The following LRBA variants were observed in gnomAD, a reference collection of about 807,000 sequenced individuals.
LRBA encodes the protein lipopolysaccharide-responsive and beige-like anchor protein.
A neutral mutation model predicts 330.0 loss-of-function variants in LRBA; 176 were observed. The observed-to-expected ratio is 0.53, with a 90% CI of 0.47 to 0.60. The LOEUF is 0.60. Among genes scored for constraint, LRBA ranks in the 20% least tolerant of loss-of-function variants. The pLI is 0.00. For missense variants in LRBA, 3,259 were observed against 3,444.8 expected, an observed-to-expected ratio of 0.95 and a Z score of 1.35; for synonymous variants, 1,230 against 1,193.0, an observed-to-expected ratio of 1.03 and a Z score of -0.64.
At chr4:150,910,984 T>C (rs932716493) in intron 9 of LRBA, among the ~76,000 whole-genome samples, 2 of 152,164 alleles carry the variant, frequency 1.3e-5, no homozygotes, top group Non-Finnish European at 2.9e-5. Flanking sequence ...TTCAAACTGT[T>C]CATTACTACT....
chr4:150,552,082 C>T (rs897843176), intron 40 of LRBA, among the ~76,000 whole-genome samples: 1 of 152,102 alleles, frequency 6.6e-6, no homozygotes, highest in African/African-American at 2.4e-5. Context: ...GTTCGCACCC[C>T]TATGAAAATC....
chr4:150,565,015 C>A (rs1376735312), intron 40 of LRBA, among the ~76,000 whole-genome samples: 1 of 152,088 alleles, frequency 6.6e-6, no homozygotes, highest in Admixed American at 6.6e-5. Flanking sequence ...ACCCAGCAAT[C>A]CCGTTACTGG....
At chr4:150,796,058 A>C (rs1374582282) in intron 34 of LRBA, among the ~76,000 whole-genome samples, 1 of 151,822 alleles carries the variant, frequency 6.6e-6, no homozygotes, top group Non-Finnish European at 1.5e-5. Context: ...GATCTTTGGC[A>C]CTCCGTCCTC....
At chr4:150,420,293 A>G (rs375825770) in intron 46 of LRBA, among the ~76,000 whole-genome samples, 42 of 112,966 alleles carry the variant, frequency 3.7e-4, no homozygotes, top group South Asian at 1.4e-3. Context: ...TATATATAAT[A>G]CACATTATAG....
intron 40 of LRBA, among the ~76,000 whole-genome samples, chr4:150,494,939 G>A (rs1759403220): frequency 6.6e-6 from 1 of 151,056 alleles, no homozygotes; most frequent in Admixed American, 6.6e-5. Flanking sequence ...GGCGGAGCTT[G>A]CAGTGAGCCT....
In LRBA at chr4:150,928,937, T is replaced by C. The variant is rs1734165953; in HGVS notation, c.345A>G (p.Thr115=). 6.2e-7 allele frequency: 1 copy of C among 1,614,100 alleles called. No individual in the cohort carries two copies. Residue 115 remains threonine (T), a synonymous_variant, in exon 3 of 57, where the codon ACA becomes ACG. Transcript: ENST00000651943. ...TCQAEVWSMF[T]AILKKSIRNL... is the part of the protein sequence containing the mutation. ...TCCGTATGCTTTTCTTCAGAATGGC[T>C]GTAAACATGCTCCAGACTTCTGCTT...
intron 2 of LRBA, among the ~76,000 whole-genome samples, chr4:151,005,169 G>A (rs561620391): frequency 7.2e-5 from 11 of 151,922 alleles, no homozygotes; most frequent in Admixed American, 1.3e-4. Context: ...TGTAATGGCC[G>A]GGCACGGTGG....
At chr4:150,697,198 G>C (rs533639834) in intron 36 of LRBA, among the ~76,000 whole-genome samples, 1 of 151,176 alleles carries the variant, frequency 6.6e-6, no homozygotes, top group African/African-American at 2.4e-5. Flanking sequence ...GGTGGCAGGA[G>C]TCTGTAATCC....
intron 22 of LRBA, among the ~76,000 whole-genome samples, chr4:150,861,527 C>T (rs1751937890): frequency 6.6e-6 from 1 of 151,968 alleles, no homozygotes; most frequent in African/African-American, 2.4e-5. Context: ...AAAATGGTAC[C>T]TACATAAGGC....
intron 33 of LRBA, among the ~76,000 whole-genome samples, chr4:150,803,075 A>C (rs28438995): frequency 7.7e-6 from 1 of 129,884 alleles, no homozygotes; most frequent in African/African-American, 2.9e-5. Context: ...ACAAAAAAAA[A>C]ATATATATAC....
At chr4:150,812,849 T>C (rs902899216) in intron 31 of LRBA, among the ~76,000 whole-genome samples, 1 of 152,192 alleles carries the variant, frequency 6.6e-6, no homozygotes, top group African/African-American at 2.4e-5. Context: ...TATTCATTTA[T>C]GCTTTGCAAT....
intron 28 of LRBA, among the ~76,000 whole-genome samples, chr4:150,843,190 A>C (rs1211072526): frequency 6.6e-6 from 1 of 152,150 alleles, no homozygotes; most frequent in Non-Finnish European, 1.5e-5. Flanking sequence ...TATCATGTTT[A>C]ATACACAGTA....
At chr4:150,541,315 G>A (rs1319230326) in intron 40 of LRBA, among the ~76,000 whole-genome samples, 2 of 152,078 alleles carry the variant, frequency 1.3e-5, no homozygotes, top group East Asian at 3.9e-4. Context: ...TCTCTTGCTG[G>A]CAAAAAATAT....
chr4:150,467,599 A>T, intron 44 of LRBA, 74 bp downstream of exon 44: 1 of 940,862 alleles, frequency 1.1e-6, no homozygotes. Flanking sequence ...TAAGTTAAGT[A>T]AAATAACGAA....
chr4:150,710,213 G>A (rs928909461), intron 36 of LRBA, among the ~76,000 whole-genome samples: 7 of 152,058 alleles, frequency 4.6e-5, no homozygotes, highest in Non-Finnish European at 1.0e-4. Flanking sequence ...ACTTGATGGT[G>A]GACAGACATT....
intron 37 of LRBA, among the ~76,000 whole-genome samples, chr4:150,613,769 C>T (rs1775496890): frequency 6.6e-6 from 1 of 152,214 alleles, no homozygotes; most frequent in South Asian, 2.1e-4. Flanking sequence ...CCTCTCTGGC[C>T]AGTTATGCTC....
chr4:151,008,996 T>A (rs371809856), intron 2 of LRBA, among the ~76,000 whole-genome samples: 8,810 of 17,234 alleles, frequency 0.51, 1,476 homozygotes, highest in Non-Finnish European at 0.59. Flanking sequence ...AAAATATATA[T>A]ATATATATAT....
intron 46 of LRBA, among the ~76,000 whole-genome samples, chr4:150,416,283 A>T (rs1051265248): frequency 6.6e-6 from 1 of 152,248 alleles, no homozygotes; most frequent in African/African-American, 2.4e-5. Flanking sequence ...GGCTCTGTAG[A>T]TCAGACTTGA....
chr4:150,719,117 G>A (rs373864952), intron 36 of LRBA, among the ~76,000 whole-genome samples: 3 of 151,986 alleles, frequency 2.0e-5, no homozygotes, highest in African/African-American at 4.8e-5. Flanking sequence ...ATTCCTCACC[G>A]AAACTGAAAA....
Sources: allele counts gnomAD v4.1 joint callset (sites outside exome capture counted in the v4.1 genomes callset), GRCh38; gene constraint gnomAD v4.1.1; transcripts MANE v1.5; gene names NCBI Gene and HGNC (gene_info 2026-07-23, HGNC 2026-07-21).